Variants in TRHDE observed in about 807,000 individuals in gnomAD.
TRHDE encodes thyrotropin releasing hormone degrading enzyme.
TRHDE carries 72 observed loss-of-function variants against 125.7 expected under a neutral mutation model. The observed-to-expected ratio is 0.57, with a 90% CI of 0.47 to 0.70. The LOEUF (loss-of-function observed/expected upper bound fraction) is 0.70. TRHDE is among the 30% of genes least tolerant of loss of function. The pLI is 0.00. For synonymous variants in TRHDE, 509 were observed against 509.1 expected (o/e 1.00, Z 0.00); for missense variants, 1,110 against 1,327.1 (o/e 0.84, Z 2.54).
intron 7 of TRHDE, among the ~76,000 whole-genome samples, chr12:72,552,087 C>T (rs1278461426): frequency 2.6e-5 from 4 of 152,118 alleles, no homozygotes; most frequent in Non-Finnish European, 5.9e-5. Context: ...GCCCAATAGT[C>T]TGTGCTAAGA....
intron 1 of TRHDE, among the ~76,000 whole-genome samples, chr12:72,090,894 C>T (rs1369950715): frequency 6.6e-6 from 1 of 151,460 alleles, no homozygotes; most frequent in Non-Finnish European, 1.5e-5. Flanking sequence ...TTACTCTGTC[C>T]CCAGGCTGAA....
intron 6 of TRHDE, among the ~76,000 whole-genome samples, chr12:72,499,838 AAAT>A (rs780703827): frequency 3.4e-4 from 51 of 152,208 alleles, no homozygotes; most frequent in Middle Eastern, 3.2e-3. Context: ...AATATTTGCC[AAAT>A]AATGCATAGA....
intron 2 of TRHDE, among the ~76,000 whole-genome samples, chr12:72,248,219 A>T (rs768683628): frequency 6.6e-6 from 1 of 152,148 alleles, no homozygotes; most frequent in Non-Finnish European, 1.5e-5. Context: ...AGAGATCGAG[A>T]TCATCCTGGC....
chr12:72,360,012 T>A (rs1370375402), intron 2 of TRHDE, among the ~76,000 whole-genome samples: 2 of 151,498 alleles, frequency 1.3e-5, no homozygotes, highest in Non-Finnish European at 3.0e-5. Flanking sequence ...GGCAAGATAA[T>A]TCAATAAATA....
At chr12:72,442,695 G>T (rs1371271394) in intron 3 of TRHDE, among the ~76,000 whole-genome samples, 1 of 151,592 alleles carries the variant, frequency 6.6e-6, no homozygotes, top group East Asian at 1.9e-4. Context: ...CTCCTATTTT[G>T]CACCCTGAAC....
At chr12:72,361,242 A>G (rs573320582) in intron 2 of TRHDE, among the ~76,000 whole-genome samples, 1 of 152,034 alleles carries the variant, frequency 6.6e-6, no homozygotes, top group South Asian at 2.1e-4. Flanking sequence ...ACCATGTTAA[A>G]TAAAATCCCA....
intron 2 of TRHDE, among the ~76,000 whole-genome samples, chr12:72,345,812 C>A (rs536433671): frequency 5.9e-5 from 9 of 151,962 alleles, no homozygotes; most frequent in African/African-American, 2.2e-4. Flanking sequence ...AGCCCAGGGC[C>A]AGGTGGGGAC....
At chr12:72,147,437 G>A (rs1876255818) in intron 2 of TRHDE, 1 of 152,152 alleles carries the variant, frequency 6.6e-6, no homozygotes, top group African/African-American at 2.4e-5. Context: ...AGAGCTGAGT[G>A]CTAAGTTTAC....
intron 2 of TRHDE, among the ~76,000 whole-genome samples, chr12:72,236,147 T>C (rs1230556226): frequency 6.6e-6 from 1 of 152,178 alleles, no homozygotes; most frequent in Non-Finnish European, 1.5e-5. Context: ...TCATGGTTTT[T>C]CTTTTGGTAT....
At chr12:72,374,047 G>A (rs983266475) in intron 2 of TRHDE, among the ~76,000 whole-genome samples, 1 of 152,130 alleles carries the variant, frequency 6.6e-6, no homozygotes, top group Non-Finnish European at 1.5e-5. Flanking sequence ...GGAAAATAAA[G>A]CAGTCATTCA....
chr12:72,668,980 T>C lies in TRHDE; in HGVS notation c.*5785T>C, dbSNP rs1875185512. 6.6e-6 allele frequency: 1 copy of C among 151,818 alleles called. No homozygotes were observed. The highest frequency in any genetic ancestry group is 2.4e-5 in the African/African-American group (1 of 41,420). 9.4% of individuals were successfully genotyped at this position (151,818 alleles called of 1,614,324 possible). ...TTCGAAAGAAGTATTAATTTGTGCA[T>C]TCTGGTTTACCATTCATTTCTTAAC... On this transcript the variant is annotated 3_prime_UTR_variant, in exon 19 of 19. Transcript: ENST00000261180.
intron 3 of TRHDE, among the ~76,000 whole-genome samples, chr12:72,415,184 C>T (rs1350321237): frequency 1.3e-5 from 2 of 152,162 alleles, no homozygotes; most frequent in African/African-American, 4.8e-5. Flanking sequence ...ACCACTGCTG[C>T]AGTTCATTAA....
intron 2 of TRHDE, among the ~76,000 whole-genome samples, chr12:72,142,736 G>T (rs963321796): frequency 2.6e-5 from 4 of 152,082 alleles, no homozygotes; most frequent in Non-Finnish European, 5.9e-5. Flanking sequence ...CAGATGGATG[G>T]CAGAATGACA....
At chr12:72,294,189 G>A (rs976712695) in intron 2 of TRHDE, among the ~76,000 whole-genome samples, 3 of 152,196 alleles carry the variant, frequency 2.0e-5, no homozygotes, top group Non-Finnish European at 4.4e-5. Flanking sequence ...GGCAAGTAAG[G>A]GGCATGTCTC....
chr12:72,221,881 C>T (rs912333371), intron 2 of TRHDE, among the ~76,000 whole-genome samples: 2 of 152,076 alleles, frequency 1.3e-5, no homozygotes, highest in African/African-American at 4.8e-5. Flanking sequence ...TTGGGTCTGG[C>T]TCATGGTTTC....
At chr12:72,595,808 A>G (rs575394458) in intron 12 of TRHDE, among the ~76,000 whole-genome samples, 1 of 152,148 alleles carries the variant, frequency 6.6e-6, no homozygotes, top group Non-Finnish European at 1.5e-5. Flanking sequence ...AAAACATGCC[A>G]TATAGCTTAG....
intron 2 of TRHDE, among the ~76,000 whole-genome samples, chr12:72,218,273 T>G (rs1238946170): frequency 6.6e-6 from 1 of 152,154 alleles, no homozygotes; most frequent in Non-Finnish European, 1.5e-5. Context: ...CAAACAAGTC[T>G]GATTAAAAAT....
intron 2 of TRHDE, among the ~76,000 whole-genome samples, chr12:72,292,642 T>C (rs758024703): frequency 6.6e-6 from 1 of 152,192 alleles, no homozygotes; most frequent in Non-Finnish European, 1.5e-5. Context: ...CAGCTTTCAA[T>C]AACATTTATC....
intron 2 of TRHDE, among the ~76,000 whole-genome samples, chr12:72,234,816 T>C (rs982873508): frequency 1.4e-4 from 22 of 152,222 alleles, no homozygotes; most frequent in African/African-American, 5.1e-4. Flanking sequence ...AAAATCCACT[T>C]CTTAATAAGC....
Sources: gnomAD v4.1 joint callset for allele counts (sites outside exome capture counted in the v4.1 genomes callset) on GRCh38, gnomAD v4.1.1 for gene constraint, MANE v1.5 for transcripts, NCBI Gene and HGNC (gene_info 2026-07-23, HGNC 2026-07-21) for gene names.